Variants in LHFPL6 observed in about 807,000 individuals in gnomAD.
The protein encoded by LHFPL6 is LHFPL tetraspan subfamily member 6, also known as LHFPL tetraspan subfamily member 6 protein.
A neutral mutation model predicts 20.6 loss-of-function variants in LHFPL6; 9 were observed. The ratio of observed to expected loss-of-function variants is 0.44; its 90% CI spans 0.26 to 0.76. The LOEUF (loss-of-function observed/expected upper bound fraction) is 0.76. LHFPL6 is among the 30% of genes least tolerant of loss of function. LHFPL6 has a pLI of 0.20. For missense variants in LHFPL6, 218 were observed against 253.5 expected (o/e 0.86, Z 0.95); for synonymous variants, 105 against 98.7 (o/e 1.06, Z -0.38).
intron 2 of LHFPL6, among the ~76,000 whole-genome samples, chr13:39,547,619 C>T (rs1230419020): frequency 6.6e-6 from 1 of 151,962 alleles, no homozygotes; most frequent in African/African-American, 2.4e-5. Flanking sequence ...TGATCTGGAC[C>T]AGCTCCTGAG....
intron 2 of LHFPL6, among the ~76,000 whole-genome samples, chr13:39,598,978 A>G (rs1332386723): frequency 6.6e-6 from 1 of 152,152 alleles, no homozygotes; most frequent in African/African-American, 2.4e-5. Flanking sequence ...AATTTCCCCA[A>G]TTGTCTGTCC....
chr13:39,599,784 G>A (rs1298536981), intron 2 of LHFPL6, among the ~76,000 whole-genome samples: 4 of 152,206 alleles, frequency 2.6e-5, no homozygotes, highest in African/African-American at 9.6e-5. Context: ...CTAATATGGG[G>A]AGACTGTCTC....
At chr13:39,493,110 G>A (rs1868983382) in intron 2 of LHFPL6, among the ~76,000 whole-genome samples, 1 of 151,970 alleles carries the variant, frequency 6.6e-6, no homozygotes, top group African/African-American at 2.4e-5. Flanking sequence ...GCCATTTGGT[G>A]ATTTATATTA....
At chr13:39,515,165 T>C (rs1480008836) in intron 2 of LHFPL6, among the ~76,000 whole-genome samples, 2 of 152,218 alleles carry the variant, frequency 1.3e-5, no homozygotes, top group Non-Finnish European at 2.9e-5. Flanking sequence ...TTACACTTTA[T>C]GGTATTTCTG....
intron 2 of LHFPL6, among the ~76,000 whole-genome samples, chr13:39,439,586 T>A (rs1378909599): frequency 6.6e-6 from 1 of 152,190 alleles, no homozygotes; most frequent in East Asian, 1.9e-4. Context: ...CCAAATATCA[T>A]GCCAAATTAT....
At chr13:39,400,987 A>G (rs1870976615) in intron 2 of LHFPL6, among the ~76,000 whole-genome samples, 1 of 152,188 alleles carries the variant, frequency 6.6e-6, no homozygotes. Context: ...AGAAAATTAT[A>G]ATTGAAACCA....
At chr13:39,441,630 A>C (rs1872136811) in intron 2 of LHFPL6, among the ~76,000 whole-genome samples, 1 of 151,796 alleles carries the variant, frequency 6.6e-6, no homozygotes, top group African/African-American at 2.4e-5. Context: ...CTCCCACCTC[A>C]GCCTCCCAAG....
chr13:39,500,233 G>A (rs181487615), intron 2 of LHFPL6, among the ~76,000 whole-genome samples: 100 of 151,924 alleles, frequency 6.6e-4, no homozygotes, highest in African/African-American at 2.3e-3. Flanking sequence ...ACAGGGTCTT[G>A]CTCTGTTGCC....
chr13:39,491,071 A>G (rs530330122), intron 2 of LHFPL6, among the ~76,000 whole-genome samples: 5 of 152,340 alleles, frequency 3.3e-5, no homozygotes, highest in Admixed American at 3.3e-4. Flanking sequence ...AAGATTTGTG[A>G]GTCTACCATG....
intron 2 of LHFPL6, among the ~76,000 whole-genome samples, chr13:39,496,828 TG>T (rs1869116964): frequency 6.6e-6 from 1 of 152,148 alleles, no homozygotes; most frequent in African/African-American, 2.4e-5. Flanking sequence ...AATGACCAAC[TG>T]GGAGTGAAGT....
intron 2 of LHFPL6, among the ~76,000 whole-genome samples, chr13:39,405,239 T>G (rs562997930): frequency 6.6e-6 from 1 of 152,330 alleles, no homozygotes; most frequent in South Asian, 2.1e-4. Flanking sequence ...CCATCCCAAC[T>G]CTGCCTTCTG....
intron 2 of LHFPL6, among the ~76,000 whole-genome samples, chr13:39,423,656 G>A (rs894426116): frequency 6.6e-6 from 1 of 152,090 alleles, no homozygotes; most frequent in Non-Finnish European, 1.5e-5. Flanking sequence ...TGTGAGGTGA[G>A]GAAAAGTGAT....
At chr13:39,348,501 C>T (rs1021530212) in intron 3 of LHFPL6, among the ~76,000 whole-genome samples, 2 of 152,114 alleles carry the variant, frequency 1.3e-5, no homozygotes, top group African/African-American at 4.8e-5. Context: ...TGAGGCTGAA[C>T]CCTCATGACA....
chr13:39,581,069 G>T (rs1322288509), intron 2 of LHFPL6, among the ~76,000 whole-genome samples: 1 of 152,166 alleles, frequency 6.6e-6, no homozygotes, highest in Non-Finnish European at 1.5e-5. Flanking sequence ...CACATGGGGG[G>T]AAAATGTTAT....
intron 2 of LHFPL6, among the ~76,000 whole-genome samples, chr13:39,506,044 T>G (rs1227719540): frequency 2.0e-5 from 3 of 152,204 alleles, no homozygotes; most frequent in Non-Finnish European, 4.4e-5. Context: ...CACCTTGTCA[T>G]GCAGGTGATC....
intron 2 of LHFPL6, among the ~76,000 whole-genome samples, chr13:39,597,618 A>G (rs964207923): frequency 6.6e-6 from 1 of 152,226 alleles, no homozygotes; most frequent in Non-Finnish European, 1.5e-5. Context: ...AACTCAACCC[A>G]CACTGGTTCT....
At chr13:39,530,163 T>A (rs539285758) in intron 2 of LHFPL6, among the ~76,000 whole-genome samples, 1 of 151,414 alleles carries the variant, frequency 6.6e-6, no homozygotes, top group South Asian at 2.1e-4. Context: ...ACACCTGTAA[T>A]TCCAGCTACT....
chr13:39,459,321 C>T (rs1016684356), intron 2 of LHFPL6, among the ~76,000 whole-genome samples: 1 of 151,600 alleles, frequency 6.6e-6, no homozygotes, highest in African/African-American at 2.4e-5. Flanking sequence ...CTTCTTTACT[C>T]TTTCCTGTTT....
chr13:39,410,958 C>T (rs975375696), intron 2 of LHFPL6, among the ~76,000 whole-genome samples: 1 of 152,176 alleles, frequency 6.6e-6, no homozygotes, highest in Non-Finnish European at 1.5e-5. Flanking sequence ...ACATATTAAA[C>T]CATTGTATTA....
Sources: gnomAD v4.1 joint callset for allele counts (sites outside exome capture counted in the v4.1 genomes callset) on GRCh38, gnomAD v4.1.1 for gene constraint, MANE v1.5 for transcripts, NCBI Gene and HGNC (gene_info 2026-07-23, HGNC 2026-07-21) for gene names.